THSD7B: variants seen among roughly 807,000 people sequenced by gnomAD.
The protein encoded by THSD7B is thrombospondin type-1 domain-containing protein 7B.
Under a neutral mutation model 213.6 loss-of-function variants are expected in THSD7B, and 138 were observed. That is an observed-to-expected ratio of 0.65 (90% CI 0.56 to 0.74). The LOEUF (loss-of-function observed/expected upper bound fraction) is 0.74. Ranked by LOEUF, THSD7B falls within the 30% of genes least tolerant of loss-of-function variation. THSD7B has a pLI of 0.00. For synonymous variants in THSD7B, 742 were observed against 687.0 expected (o/e 1.08, Z -1.25); for missense variants, 1,931 against 1,991.5 (o/e 0.97, Z 0.58).
intron 2 of THSD7B, among the ~76,000 whole-genome samples, chr2:136,942,442 G>T (rs1363370665): frequency 6.6e-6 from 1 of 152,138 alleles, no homozygotes; most frequent in African/African-American, 2.4e-5. Flanking sequence ...ATCTTGGGCA[G>T]TAAGGCCATT....
intron 1 of THSD7B, among the ~76,000 whole-genome samples, chr2:136,771,748 G>T (rs1681509816): frequency 2.0e-5 from 3 of 152,082 alleles, no homozygotes. Flanking sequence ...ATCTATGTGT[G>T]GAGTTCTGAT....
intron 15 of THSD7B, among the ~76,000 whole-genome samples, chr2:137,483,377 T>G (rs189019013): frequency 2.6e-5 from 4 of 152,324 alleles, no homozygotes; most frequent in Admixed American, 1.3e-4. Context: ...AGGGAGCTTG[T>G]CTCTAGAGTC....
chr2:136,949,885 A>G (rs1309584368), intron 2 of THSD7B, among the ~76,000 whole-genome samples: 1 of 152,214 alleles, frequency 6.6e-6, no homozygotes, highest in Non-Finnish European at 1.5e-5. Context: ...ACACGTGCAC[A>G]CATATGTTTA....
At chr2:137,490,974 C>T (rs1688594174) in intron 15 of THSD7B, among the ~76,000 whole-genome samples, 1 of 152,148 alleles carries the variant, frequency 6.6e-6, no homozygotes, top group South Asian at 2.1e-4. Context: ...TGTGTTTGGT[C>T]ACATTAGTAA....
At chr2:137,406,931 A>T (rs1184845391) in intron 13 of THSD7B, among the ~76,000 whole-genome samples, 3 of 152,206 alleles carry the variant, frequency 2.0e-5, no homozygotes, top group Non-Finnish European at 4.4e-5. Context: ...TGACAGGAAT[A>T]GTTGAAGTTC....
intron 17 of THSD7B, among the ~76,000 whole-genome samples, chr2:137,609,167 A>G (rs867956862): frequency 1.8e-4 from 28 of 152,354 alleles, no homozygotes; most frequent in African/African-American, 5.8e-4. Context: ...TAACACACAC[A>G]GTCTGTTGAA....
chr2:137,499,702 T>G (rs1057434599), intron 15 of THSD7B, among the ~76,000 whole-genome samples: 1 of 152,194 alleles, frequency 6.6e-6, no homozygotes, highest in Admixed American at 6.5e-5. Context: ...GCTCCTTCAA[T>G]TGGCTTCGTG....
At chr2:137,134,557 T>C (rs1688797995) in intron 5 of THSD7B, among the ~76,000 whole-genome samples, 1 of 152,144 alleles carries the variant, frequency 6.6e-6, no homozygotes, top group Non-Finnish European at 1.5e-5. Context: ...TGGGGGGCAC[T>C]GTCAAACCCA....
chr2:137,641,890 T>C (rs913029711), intron 20 of THSD7B, among the ~76,000 whole-genome samples: 1 of 152,206 alleles, frequency 6.6e-6, no homozygotes, highest in Non-Finnish European at 1.5e-5. Context: ...AAAAATTGTC[T>C]GTTTTGAATT....
At chr2:137,309,555 T>A (rs1284735215) in intron 12 of THSD7B, among the ~76,000 whole-genome samples, 6 of 152,054 alleles carry the variant, frequency 3.9e-5, no homozygotes, top group Admixed American at 3.9e-4. Flanking sequence ...GTGCACAATG[T>A]GCAGGTTAGT....
chr2:137,359,343 G>C (rs546439829), intron 12 of THSD7B, among the ~76,000 whole-genome samples: 15 of 152,216 alleles, frequency 9.9e-5, no homozygotes, highest in Non-Finnish European at 1.6e-4. Flanking sequence ...GTGGGGCTTA[G>C]AGCCAAGACA....
intron 10 of THSD7B, among the ~76,000 whole-genome samples, chr2:137,248,763 A>G (rs990605078): frequency 2.0e-5 from 3 of 152,194 alleles, no homozygotes; most frequent in African/African-American, 7.2e-5. Context: ...AGCCTGGAAC[A>G]CTGGCCCAAA....
At chr2:137,068,109 C>T (rs954065268) in intron 3 of THSD7B, among the ~76,000 whole-genome samples, 1 of 152,054 alleles carries the variant, frequency 6.6e-6, no homozygotes, top group African/African-American at 2.4e-5. Flanking sequence ...ACTTTGGAGG[C>T]AGCCATTTTC....
intron 1 of THSD7B, among the ~76,000 whole-genome samples, chr2:136,826,959 CAG>C (rs1558818001): frequency 1.3e-5 from 2 of 152,170 alleles, no homozygotes; most frequent in Admixed American, 6.5e-5. Context: ...CTCTTTGAGA[CAG>C]AGTTTCTGAC....
At chr2:137,219,088 A>T (rs530039808) in intron 7 of THSD7B, among the ~76,000 whole-genome samples, 1 of 152,198 alleles carries the variant, frequency 6.6e-6, no homozygotes, top group Admixed American at 6.5e-5. Context: ...CTAGTTCACC[A>T]CTGCAAACTT....
Position 137,655,643 on chromosome 2 carries a change from G to A in THSD7B, c.4088G>A (p.Cys1363Tyr). Reference sequence around the variant, plus strand: ...CAGGACAGCATCCTGAAGCAGCTGTGTTCTGTGCCTTGCCCAGGTATGCAA... The same window carrying A: ...CAGGACAGCATCCTGAAGCAGCTGTATTCTGTGCCTTGCCCAGGTATGCAA... ...PFQDSILKQL[C>Y]SVPCPGDCHL... Residue 1363 changes from cysteine (C) to tyrosine (Y), a missense_variant, in exon 22 of 28, where the codon TGT becomes TAT. Coordinates refer to ENST00000409968, the MANE Select transcript of THSD7B (RefSeq NM_001316349.2). 1 of 1,613,130 alleles carries A rather than the reference G, an allele frequency of 6.2e-7. No homozygotes were observed.
chr2:137,393,169 T>G (rs1175933775), intron 12 of THSD7B, among the ~76,000 whole-genome samples: 2 of 151,262 alleles, frequency 1.3e-5, no homozygotes, highest in East Asian at 3.9e-4. Context: ...AATTTTTTTT[T>G]TTTATTATAC....
intron 1 of THSD7B, among the ~76,000 whole-genome samples, chr2:136,779,469 C>T (rs1573634609): frequency 6.6e-6 from 1 of 151,902 alleles, no homozygotes; most frequent in African/African-American, 2.4e-5. Flanking sequence ...GCTTTAAGGT[C>T]CCACACCTTG....
intron 6 of THSD7B, among the ~76,000 whole-genome samples, chr2:137,168,874 T>C (rs1463435513): frequency 6.6e-6 from 1 of 152,194 alleles, no homozygotes; most frequent in Non-Finnish European, 1.5e-5. Context: ...TGTAGTTTGA[T>C]GCTCGTCAAG....
Sources: allele counts gnomAD v4.1 joint callset (sites outside exome capture counted in the v4.1 genomes callset), GRCh38; gene constraint gnomAD v4.1.1; transcripts MANE v1.5; gene names NCBI Gene and HGNC (gene_info 2026-07-23, HGNC 2026-07-21).